CLEC4D: variants seen among roughly 807,000 people sequenced by gnomAD.
CLEC4D encodes C-type (calcium dependent, carbohydrate-recognition domain) lectin, superfamily member 8.
In CLEC4D, 21 loss-of-function variants were observed where a neutral mutation model predicts 21.1. The ratio of observed to expected loss-of-function variants is 1.00; its 90% confidence interval spans 0.71 to 1.43. The LOEUF is 1.43. CLEC4D is among the 40% of genes most tolerant of loss of function. The pLI is 0.00. For synonymous variants in CLEC4D, 85 were observed against 83.1 expected (o/e 1.02, Z -0.12); for missense variants, 289 against 260.7 (o/e 1.11, Z -0.75).
At chr12:8,528,054 G>C in the CLEC4D span, among the ~76,000 whole-genome samples, 1 of 152,156 alleles carries the variant, frequency 6.6e-6, no homozygotes, top group East Asian at 1.9e-4. Context: ...TGGGTATCTT[G>C]GTTGCGGGTG....
At chr12:8,525,681 T>C (rs1591721979), downstream of CLEC4D, among the ~76,000 whole-genome samples, 3 of 152,194 alleles carry the variant, frequency 2.0e-5, no homozygotes, top group African/African-American at 7.2e-5. Context: ...TATTTGCCCA[T>C]TTACGTTTAA....
downstream of CLEC4D, among the ~76,000 whole-genome samples, chr12:8,522,518 T>TGTG (rs1208659917): frequency 6.6e-6 from 1 of 151,948 alleles, no homozygotes; most frequent in African/African-American, 2.4e-5. Flanking sequence ...TGTTTGATTG[T>TGTG]GTGGTGGTGG....
chr12:8,527,271 G>A (rs183337474), downstream of CLEC4D, among the ~76,000 whole-genome samples: 29 of 152,266 alleles, frequency 1.9e-4, no homozygotes, highest in Admixed American at 7.8e-4. Context: ...TGGGCTGCCC[G>A]GATTCCTCAG....
chr12:8,518,365 G>A lies in CLEC4D; in HGVS notation c.232+91G>A. ...GGAATGTCAGTAGTGAACCAGGAAAGATTAAAATAGCATAAGATGAGAATC... is the reference window on the plus strand; with the variant it reads ...GGAATGTCAGTAGTGAACCAGGAAAAATTAAAATAGCATAAGATGAGAATC... On this transcript the variant is annotated intron_variant, in intron 3 of 5. Transcript: ENST00000299665. 2.0e-5 allele frequency: 13 copies of A among 654,942 alleles called. No individual in the cohort carries two copies. In the South Asian group the frequency reaches 2.2e-4, roughly 11 times the overall value. 40.6% of individuals were successfully genotyped at this position (654,942 alleles called of 1,614,324 possible).
intron 2 of CLEC4D, among the ~76,000 whole-genome samples, chr12:8,515,687 T>G (rs748294142): frequency 6.6e-6 from 1 of 152,142 alleles, no homozygotes; most frequent in East Asian, 1.9e-4. Context: ...AAGAACAAGG[T>G]TGGAAGAATT....
chr12:8,514,997 G>A (rs1025535559), intron 1 of CLEC4D, among the ~76,000 whole-genome samples: 1 of 151,854 alleles, frequency 6.6e-6, no homozygotes, highest in African/African-American at 2.4e-5. Context: ...CTTGGGTTTT[G>A]TATCTTACTT....
At chr12:8,517,815 G>C (rs1159809746) in intron 2 of CLEC4D, among the ~76,000 whole-genome samples, 1 of 151,954 alleles carries the variant, frequency 6.6e-6, no homozygotes, top group Non-Finnish European at 1.5e-5. Context: ...ACGTGGTGGC[G>C]GGCGCCTGTA....
In CLEC4D at chr12:8,521,497, A is replaced by C; in HGVS notation, c.*226A>C. On this transcript the variant is annotated 3_prime_UTR_variant, in exon 6 of 6. Coordinates refer to ENST00000299665, the MANE Select transcript of CLEC4D (RefSeq NM_080387.5). ...TTTTGTATGGTGTTTGATGGAAGGA[A>C]TAATCTTTCTTTGCTTTCTTAGTAG... is the stretch of plus-strand genomic sequence containing the variant. The C allele has an allele frequency of 1.1e-6, 1 of 892,070 alleles. No individual in the cohort carries two copies. The highest frequency in any genetic ancestry group is 3.2e-5 in the South Asian group (1 of 30,816). The allele number at this position is 892,070 out of a possible 1,614,324, so 55.3% of individuals were successfully genotyped here. A position where few individuals can be genotyped will look rare whatever the true frequency, so the allele number is the denominator to read the frequency against.
downstream of CLEC4D, among the ~76,000 whole-genome samples, chr12:8,524,339 T>TTTTG (rs1940490937): frequency 6.6e-6 from 1 of 151,680 alleles, no homozygotes; most frequent in Non-Finnish European, 1.5e-5. Context: ...GGCTTTTTTT[T>TTTTG]TTTGTTTGGT....
At chr12:8,531,498 G>A in the CLEC4D span, among the ~76,000 whole-genome samples, 8 of 152,224 alleles carry the variant, frequency 5.3e-5, 2 homozygotes, top group African/African-American at 1.9e-4. Context: ...AATCTATAAA[G>A]GCTGTAACAT....
At chr12:8,519,784 C>G (rs1940433913) in intron 4 of CLEC4D, among the ~76,000 whole-genome samples, 1 of 152,176 alleles carries the variant, frequency 6.6e-6, no homozygotes, top group Non-Finnish European at 1.5e-5. Flanking sequence ...TGTACCATGA[C>G]TCAGATTCTA....
At chr12:8,531,688 A>G in the CLEC4D span, among the ~76,000 whole-genome samples, 1 of 152,198 alleles carries the variant, frequency 6.6e-6, no homozygotes, top group Non-Finnish European at 1.5e-5. Flanking sequence ...AATTTAAAAA[A>G]TTAAAGTATT....
At chr12:8,524,508 C>G (rs1351912146), downstream of CLEC4D, among the ~76,000 whole-genome samples, 1 of 152,120 alleles carries the variant, frequency 6.6e-6, no homozygotes, top group Non-Finnish European at 1.5e-5. Flanking sequence ...ATAGTATTCT[C>G]TGATGGGGGT....
chr12:8,520,572 G>T (rs1940445497), intron 5 of CLEC4D, among the ~76,000 whole-genome samples: 1 of 152,170 alleles, frequency 6.6e-6, no homozygotes, highest in Non-Finnish European at 1.5e-5. Flanking sequence ...GAATAGCATA[G>T]AAGTGATATA....
intron 2 of CLEC4D, among the ~76,000 whole-genome samples, chr12:8,516,438 A>C (rs1485220940): frequency 6.6e-6 from 1 of 152,250 alleles, no homozygotes; most frequent in Non-Finnish European, 1.5e-5. Flanking sequence ...AAACTGGGCA[A>C]AGTCTTAAAT....
In CLEC4D at chr12:8,521,049, A is replaced by G. The variant is rs144729432; in HGVS notation, c.501-75A>G. The G allele has an allele frequency of 7.6e-4, 1,155 of 1,511,204 alleles. 13 individuals are homozygous for G. The African/African-American group carries it at 0.015, about 19-fold the overall frequency. The allele number at this position is 1,511,204 out of a possible 1,614,324, so 93.6% of individuals were successfully genotyped here. On this transcript the variant is annotated intron_variant, in intron 5 of 5. Coordinates refer to ENST00000299665, the MANE Select transcript of CLEC4D (RefSeq NM_080387.5). ...CTCTGAATTGTCTCCTAATATATCT[A>G]TATCTAATCTACACCTATAATCTAC...
chr12:8,531,230 A>C, the CLEC4D span, among the ~76,000 whole-genome samples: 1,976 of 152,194 alleles, frequency 0.013, 39 homozygotes, highest in African/African-American at 0.045. Flanking sequence ...TCTGGGATCT[A>C]ACTCTCTGAG....
intron 4 of CLEC4D, 27 bp downstream of exon 4, chr12:8,519,187 C>G: frequency 6.2e-7 from 1 of 1,601,704 alleles, no homozygotes; most frequent in East Asian, 2.3e-5. Context: ...ACATCAGTTT[C>G]TCTGCTGCTT....
Position 8,518,191 on chromosome 12 carries a change from A to G in CLEC4D, c.149A>G (p.Lys50Arg), listed in dbSNP as rs1940407001. 7.2e-7 allele frequency: 1 copy of G among 1,379,750 alleles called. No individual in the cohort carries two copies. Among genetic ancestry groups the G allele is most frequent in the Non-Finnish European group, 1.0e-6 (1 of 966,558 alleles). 85.5% of individuals were successfully genotyped at this position (1,379,750 alleles called of 1,614,324 possible). A position where few individuals can be genotyped will look rare whatever the true frequency, so the allele number is the denominator to read the frequency against. Residue 50 changes from lysine to arginine, a missense_variant, in exon 3 of 6, where the codon AAG becomes AGG. By Grantham distance (26) the Lys-to-Arg change is conservative (BLOSUM62 2). Transcript: ENST00000299665. ...LVTHHNFSRC[K>R]RGTGVHKLEH... ...ACTCATCACAACTTTTCACGCTGTA[A>G]GAGAGGCACAGGAGTGCACAAGTTA...
Sources: gnomAD v4.1 joint callset for allele counts (sites outside exome capture counted in the v4.1 genomes callset) on GRCh38, gnomAD v4.1.1 for gene constraint, MANE v1.5 for transcripts, NCBI Gene and HGNC (gene_info 2026-07-23, HGNC 2026-07-21) for gene names.